The following NRF1 variants were observed in gnomAD, a reference collection of about 807,000 sequenced individuals.
NRF1 encodes nuclear respiratory factor 1.
A neutral mutation model predicts 58.5 loss-of-function variants in NRF1; 5 were observed. That is an observed-to-expected ratio of 0.09 (90% CI 0.04 to 0.18). NRF1 has a LOEUF of 0.18. NRF1 is among the 10% of genes least tolerant of loss of function. NRF1 has a pLI of 1.00. For synonymous variants in NRF1, 224 were observed against 246.7 expected (o/e 0.91, Z 0.86); for missense variants, 288 against 657.7 (o/e 0.44, Z 6.15).
chr7:129,657,678 T>C, intron 2 of NRF1, 104 bp downstream of exon 2: 2 of 702,344 alleles, frequency 2.8e-6, no homozygotes, highest in South Asian at 2.0e-5. Flanking sequence ...AGCACAATCA[T>C]GATTCACTGC....
chr7:129,706,732 G>T (rs1374518578), intron 5 of NRF1, among the ~76,000 whole-genome samples: 5 of 152,168 alleles, frequency 3.3e-5, no homozygotes, highest in African/African-American at 1.2e-4. Context: ...ACTTGAGGGT[G>T]AAAGATATCC....
At chr7:129,705,172 T>C (rs943251576) in intron 5 of NRF1, among the ~76,000 whole-genome samples, 2 of 152,170 alleles carry the variant, frequency 1.3e-5, no homozygotes, top group African/African-American at 4.8e-5. Context: ...TATTAATTAA[T>C]ATACCTGCTA....
At chr7:129,735,704 C>CTT (rs1803691308) in intron 10 of NRF1, among the ~76,000 whole-genome samples, 1 of 151,460 alleles carries the variant, frequency 6.6e-6, no homozygotes, top group African/African-American at 2.4e-5. Context: ...ACTTCAACGT[C>CTT]ATATTTTCTG....
At chr7:129,674,957 G>T (rs147986325) in intron 3 of NRF1, among the ~76,000 whole-genome samples, 2 of 152,140 alleles carry the variant, frequency 1.3e-5, no homozygotes, top group South Asian at 4.1e-4. Context: ...TCTCTGTAAC[G>T]TGGTGCTGTT....
intron 1 of NRF1, among the ~76,000 whole-genome samples, chr7:129,637,874 T>A (rs570514628): frequency 1.2e-3 from 176 of 145,468 alleles, no homozygotes; most frequent in South Asian, 2.8e-3. Flanking sequence ...TTATTTTTTG[T>A]TTTTTTTTTT....
intron 4 of NRF1, among the ~76,000 whole-genome samples, chr7:129,689,057 C>T (rs1161327195): frequency 6.6e-6 from 1 of 152,054 alleles, no homozygotes; most frequent in Non-Finnish European, 1.5e-5. Context: ...AATATAATGG[C>T]AATAATTTTT....
At chr7:129,658,117 C>A (rs1181593838) in intron 2 of NRF1, among the ~76,000 whole-genome samples, 1 of 152,130 alleles carries the variant, frequency 6.6e-6, no homozygotes. Context: ...AATTTACCTT[C>A]TTTTCTATAT....
rs1049210932 is a variant in NRF1, at chr7:129,705,005, T to C, written c.607-4070T>C. ...AAAAAAAAGAAACAGCTTTTTCTTA[T>C]TATAAAATCAGAATTACCAATCAGT... On this transcript the variant is annotated intron_variant, in intron 5 of 10. Transcript: ENST00000393232. 9.8e-5 allele frequency among the ~76,000 whole-genome samples: 15 copies of C among 152,328 alleles called. No homozygotes were observed. In the East Asian group the frequency reaches 2.7e-3, roughly 27 times the overall value.
intron 1 of NRF1, among the ~76,000 whole-genome samples, chr7:129,653,591 A>G (rs1323247524): frequency 6.6e-6 from 1 of 152,196 alleles, no homozygotes; most frequent in African/African-American, 2.4e-5. Flanking sequence ...CCATTATTGT[A>G]TCATACAGAG....
At chr7:129,634,698 G>A (rs986816824) in intron 1 of NRF1, among the ~76,000 whole-genome samples, 1 of 152,206 alleles carries the variant, frequency 6.6e-6, no homozygotes, top group Non-Finnish European at 1.5e-5. Flanking sequence ...GCATATTTGA[G>A]TAAATACCAA....
At chr7:129,702,740 T>C (rs1173255855) in intron 5 of NRF1, among the ~76,000 whole-genome samples, 1 of 152,208 alleles carries the variant, frequency 6.6e-6, no homozygotes, top group African/African-American at 2.4e-5. Context: ...TATACAAACA[T>C]AACCTTTCAA....
chr7:129,642,927 GT>G (rs2151068564), intron 1 of NRF1, among the ~76,000 whole-genome samples: 1 of 151,674 alleles, frequency 6.6e-6, no homozygotes, highest in South Asian at 2.1e-4. Flanking sequence ...CACGCAGCTG[GT>G]TTTTGTATTT....
At chr7:129,702,255 A>G (rs1332911507) in intron 5 of NRF1, among the ~76,000 whole-genome samples, 1 of 152,212 alleles carries the variant, frequency 6.6e-6, no homozygotes, top group Non-Finnish European at 1.5e-5. Flanking sequence ...GAGCATTTTG[A>G]TTAAAAAGAG....
At chr7:129,630,396 A>T (rs965116241) in intron 1 of NRF1, among the ~76,000 whole-genome samples, 1 of 152,122 alleles carries the variant, frequency 6.6e-6, no homozygotes, top group African/African-American at 2.4e-5. Context: ...TAAATTTGTA[A>T]TGGTCTCTTA....
chr7:129,710,379 A>G lies in NRF1; in HGVS notation c.771A>G (p.Ser257=), dbSNP rs781526751. 1.2e-6 allele frequency: 2 copies of G among 1,614,054 alleles called. No homozygotes were observed. The highest frequency in any genetic ancestry group is 1.3e-5 in the African/African-American group (1 of 74,936). The change falls in exon 7 of 11, where the codon TCA becomes TCG. Residue 257 remains serine, a synonymous_variant. Transcript: ENST00000393232. ...TTCCGGTCATTTGGTGACAGGTTTC[A>G]TGGACCCAGGCACTACGGACCATAG... ...VRTEEQKQRV[S]WTQALRTIVK...
intron 10 of NRF1, among the ~76,000 whole-genome samples, chr7:129,730,756 G>A (rs867409939): frequency 9.9e-5 from 15 of 151,834 alleles, no homozygotes; most frequent in Non-Finnish European, 1.6e-4. Context: ...TAGGAGGATT[G>A]CTTGAGTCCA....
intron 8 of NRF1, among the ~76,000 whole-genome samples, chr7:129,712,497 G>A (rs1962037): frequency 0.55 from 84,057 of 151,990 alleles, 23,680 homozygotes; most frequent in East Asian, 0.84. Flanking sequence ...GAGGGGGAGA[G>A]CTGGCAAAGG....
At chr7:129,664,665 G>A (rs1801880426) in intron 2 of NRF1, among the ~76,000 whole-genome samples, 1 of 152,212 alleles carries the variant, frequency 6.6e-6, no homozygotes, top group African/African-American at 2.4e-5. Flanking sequence ...ACATGGCTTT[G>A]CTGTATTACT....
At chr7:129,726,011 T>C (rs75495778) in intron 9 of NRF1, among the ~76,000 whole-genome samples, 41 of 152,334 alleles carry the variant, frequency 2.7e-4, no homozygotes, top group African/African-American at 9.4e-4. Context: ...AGTCCTAACA[T>C]GTTTACTCCA....
Sources: gnomAD v4.1 joint callset for allele counts (sites outside exome capture counted in the v4.1 genomes callset) on GRCh38, gnomAD v4.1.1 for gene constraint, MANE v1.5 for transcripts, NCBI Gene and HGNC (gene_info 2026-07-23, HGNC 2026-07-21) for gene names.